MGST2: variants seen among roughly 807,000 people sequenced by gnomAD.
The protein encoded by MGST2 is microsomal glutathione S-transferase 2.
MGST2 carries 9 observed loss-of-function variants against 16.6 expected under a neutral mutation model. That is an observed-to-expected ratio of 0.54 (90% CI 0.33 to 0.95). The LOEUF (loss-of-function observed/expected upper bound fraction) is 0.95, where lower values mean the gene tolerates loss of function less well. Among genes scored for constraint, MGST2 ranks in the 40% least tolerant of loss-of-function variants. The probability of loss-of-function intolerance (pLI) is 0.03; values close to 1 mark genes in which losing one functional copy is unlikely to be tolerated. For missense variants in MGST2, 159 were observed against 175.1 expected, an observed-to-expected ratio of 0.91 and a Z score of 0.52; for synonymous variants, 79 against 68.0, an observed-to-expected ratio of 1.16 and a Z score of -0.79.
chr4:139,672,636 C>T (rs555008714), intron 1 of MGST2, among the ~76,000 whole-genome samples: 51 of 151,796 alleles, frequency 3.4e-4, no homozygotes, highest in African/African-American at 9.7e-4. Flanking sequence ...CTGCAACCTC[C>T]GCCTCCTGGG....
rs1461072559 is a variant in MGST2, at chr4:139,678,982, T to C, written c.158+340T>C. The stretch of plus-strand genomic sequence containing the variant: ...CAATAGTCTGAAGTTGGATTCGTTA[T>C]GCTACAATTTTCTATCTTATTTTTT... On this transcript the variant is annotated intron_variant, in intron 2 of 4. Transcript: ENST00000265498. 16 of 306,852 alleles carry C rather than the reference T, an allele frequency of 5.2e-5. 1 individual carries two copies. The East Asian group carries it at 1.0e-3, about 20-fold the overall frequency. The allele number at this position is 306,852 out of a possible 1,614,324, so 19.0% of individuals were successfully genotyped here. A position where few individuals can be genotyped will look rare whatever the true frequency, so the allele number is the denominator to read the frequency against.
downstream of MGST2, among the ~76,000 whole-genome samples, chr4:139,743,660 C>A (rs1393024652): frequency 6.6e-6 from 1 of 152,136 alleles, no homozygotes; most frequent in Non-Finnish European, 1.5e-5. Flanking sequence ...GGATACCACA[C>A]GGGGAAAAGC....
downstream of MGST2, among the ~76,000 whole-genome samples, chr4:139,743,883 T>C (rs1729237401): frequency 1.3e-5 from 2 of 152,212 alleles, no homozygotes; most frequent in South Asian, 4.1e-4. Context: ...TGAGTCCCCA[T>C]TAATAAATAA....
chr4:139,702,738 A>C (rs1374134117), intron 3 of MGST2, among the ~76,000 whole-genome samples: 1 of 151,860 alleles, frequency 6.6e-6, no homozygotes, highest in Non-Finnish European at 1.5e-5. Flanking sequence ...ATTTTATAAG[A>C]AACTACCAGA....
chr4:139,684,866 G>A (rs1258335448), intron 2 of MGST2, among the ~76,000 whole-genome samples: 2 of 152,162 alleles, frequency 1.3e-5, no homozygotes, highest in Admixed American at 1.3e-4. Flanking sequence ...CTCTGGTTCT[G>A]TTTCTCCAGG....
chr4:139,735,475 G>C lies in MGST2; in HGVS notation c.*49-4737G>C, dbSNP rs551253910. 2.6e-3 allele frequency among the ~76,000 whole-genome samples: 400 copies of C among 151,882 alleles called. 5 individuals carry two copies. The highest frequency in any genetic ancestry group is 9.2e-3 in the African/African-American group (381 of 41,440). ...GGGGGGCAGTGGCGACCTCCGGGGGGGGAGGGTGGCGGACACCAGACCCCA... is the reference window on the plus strand; with the variant it reads ...GGGGGGCAGTGGCGACCTCCGGGGGCGGAGGGTGGCGGACACCAGACCCCA... On this transcript the variant is annotated intron_variant, in intron 5 of 5. Transcript: ENST00000616265. This position sits in a 1 kb window ranked among gnomAD's most constrained non-coding sequence, Gnocchi z 5.8.
intron 3 of MGST2, chr4:139,698,311 C>G: frequency 3.4e-6 from 5 of 1,468,948 alleles, no homozygotes; most frequent in Non-Finnish European, 4.7e-6. Context: ...AAGCGCAGAT[C>G]TGTTTTAAAG....
rs114251219 is a variant in MGST2, at chr4:139,687,998, G to A, written c.159-7199G>A. Reference sequence around the variant, plus strand: ...GAAAATTCTATCTCATCTAATCTGAGCACCTTGATCCCTTTAGAGTAAAGT... The same window carrying A: ...GAAAATTCTATCTCATCTAATCTGAACACCTTGATCCCTTTAGAGTAAAGT... On this transcript the variant is annotated intron_variant, in intron 2 of 4. Coordinates refer to ENST00000265498, the MANE Select transcript of MGST2 (RefSeq NM_002413.5). 6.8e-3 allele frequency among the ~76,000 whole-genome samples: 1,036 copies of A among 152,260 alleles called. 7 individuals carry two copies. Among genetic ancestry groups the A allele is most frequent in the African/African-American group, 0.023 (949 of 41,546 alleles).
At chr4:139,725,857 G>T in intron 5 of MGST2, 2 of 1,602,258 alleles carry the variant, frequency 1.2e-6, no homozygotes, top group Non-Finnish European at 1.7e-6. Flanking sequence ...GAACACAAGA[G>T]GGGTGGAGAG....
chr4:139,724,776 T>A (rs1202928995), intron 5 of MGST2, among the ~76,000 whole-genome samples: 1 of 36,574 alleles, frequency 2.7e-5, no homozygotes, highest in East Asian at 7.8e-4. Context: ...CTCAAGGGTC[T>A]TTTTTTTTTT....
chr4:139,681,707 G>A (rs1441979530), intron 2 of MGST2, among the ~76,000 whole-genome samples: 1 of 151,948 alleles, frequency 6.6e-6, no homozygotes, highest in East Asian at 1.9e-4. Flanking sequence ...GTATCTTTGT[G>A]TCTTTTTTGG....
At chr4:139,684,171 C>T (rs1402642645) in intron 2 of MGST2, among the ~76,000 whole-genome samples, 3 of 152,186 alleles carry the variant, frequency 2.0e-5, no homozygotes, top group Non-Finnish European at 4.4e-5. Context: ...GGTGATCTGA[C>T]TGCCTTGGCC....
At chr4:139,666,396 T>G (rs112751065) in intron 1 of MGST2, among the ~76,000 whole-genome samples, 8 of 152,250 alleles carry the variant, frequency 5.3e-5, no homozygotes, top group African/African-American at 1.9e-4. Flanking sequence ...CAAACGAGCG[T>G]TAGTAGCCTG....
chr4:139,684,769 C>A (rs899450547), intron 2 of MGST2, among the ~76,000 whole-genome samples: 4 of 152,190 alleles, frequency 2.6e-5, no homozygotes, highest in African/African-American at 9.7e-5. Context: ...GGTTTTTCGA[C>A]TGTGCAGTGT....
chr4:139,669,507 G>A (rs570785651), intron 1 of MGST2, among the ~76,000 whole-genome samples: 30 of 152,334 alleles, frequency 2.0e-4, no homozygotes, highest in African/African-American at 7.0e-4. Context: ...GGACGCTGGG[G>A]AGGAAATCCC....
downstream of MGST2, among the ~76,000 whole-genome samples, chr4:139,709,056 G>A (rs1321962104): frequency 7.0e-6 from 1 of 142,900 alleles, no homozygotes; most frequent in Non-Finnish European, 1.5e-5. Flanking sequence ...TGACCTTTGT[G>A]AGACAATGGA....
chr4:139,724,925 A>AT (rs539272826), intron 5 of MGST2, among the ~76,000 whole-genome samples: 108 of 151,934 alleles, frequency 7.1e-4, no homozygotes, highest in African/African-American at 2.0e-3. Context: ...CTCCTGGCTA[A>AT]TTTTTTGCAT....
intron 5 of MGST2, among the ~76,000 whole-genome samples, chr4:139,709,726 C>A (rs550547246): frequency 6.6e-6 from 1 of 152,288 alleles, no homozygotes; most frequent in African/African-American, 2.4e-5. Context: ...AAATCAGATT[C>A]TTGGTAGCCC....
At chr4:139,721,123 A>C (rs1360930643) in intron 5 of MGST2, among the ~76,000 whole-genome samples, 1 of 152,246 alleles carries the variant, frequency 6.6e-6, no homozygotes, top group Non-Finnish European at 1.5e-5. Flanking sequence ...AGCAAAGTCC[A>C]TTCCTTCAAA....
Sources: gnomAD v4.1 joint callset for allele counts (sites outside exome capture counted in the v4.1 genomes callset) on GRCh38, gnomAD v4.1.1 for gene constraint, Gnocchi (gnomAD v3.1) non-coding constraint, MANE v1.5 for transcripts, NCBI Gene and HGNC (gene_info 2026-07-23, HGNC 2026-07-21) for gene names.